SIPA1L3: variants seen among roughly 807,000 people sequenced by gnomAD.
The protein encoded by SIPA1L3 is signal induced proliferation associated 1 like 3.
In SIPA1L3, 59 loss-of-function variants were observed where a neutral mutation model predicts 150.1. The observed-to-expected ratio is 0.39, with a 90% CI of 0.32 to 0.49. SIPA1L3 has a LOEUF of 0.49. SIPA1L3 is among the 20% of genes least tolerant of loss of function. The probability of loss-of-function intolerance (pLI) is 0.86; values close to 1 mark genes in which losing one functional copy is unlikely to be tolerated. For missense variants in SIPA1L3, 2,211 were observed against 2,489.5 expected (o/e 0.89, Z 2.38); for synonymous variants, 1,070 against 1,077.6 (o/e 0.99, Z 0.14).
chr19:38,153,077 C>G (rs1213318713), intron 13 of SIPA1L3, 110 bp downstream of exon 13: 2 of 1,369,938 alleles, frequency 1.5e-6, no homozygotes, highest in Non-Finnish European at 1.9e-6. Flanking sequence ...GGATAAAACA[C>G]AAAAGAAAGC....
At chr19:37,997,581 A>AG (rs1967669208) in intron 1 of SIPA1L3, among the ~76,000 whole-genome samples, 1 of 132,948 alleles carries the variant, frequency 7.5e-6, no homozygotes, top group Non-Finnish European at 1.6e-5. Context: ...AAAAAAAAAA[A>AG]AAAAAGGCCG....
intron 2 of SIPA1L3, among the ~76,000 whole-genome samples, chr19:38,075,418 T>C (rs1028177449): frequency 1.1e-4 from 16 of 151,564 alleles, no homozygotes; most frequent in Admixed American, 9.9e-4. Flanking sequence ...ATGGCGCCAC[T>C]GCACTCCAGC....
At chr19:38,021,437 A>C (rs1968371002) in intron 1 of SIPA1L3, among the ~76,000 whole-genome samples, 1 of 152,212 alleles carries the variant, frequency 6.6e-6, no homozygotes, top group East Asian at 1.9e-4. Flanking sequence ...AGTTCTGGGG[A>C]CAAGGGGACT....
chr19:38,008,245 T>TTG (rs1968010532), intron 1 of SIPA1L3, among the ~76,000 whole-genome samples: 2 of 143,526 alleles, frequency 1.4e-5, no homozygotes, highest in African/African-American at 5.4e-5. Context: ...TTTTTTTTTT[T>TTG]GAGATGGAGT....
At chr19:38,150,369 A>C (rs1347940614) in intron 12 of SIPA1L3, among the ~76,000 whole-genome samples, 1 of 152,026 alleles carries the variant, frequency 6.6e-6, no homozygotes, top group East Asian at 1.9e-4. Flanking sequence ...CTGTAGAGAC[A>C]GTCCTGGCTT....
At chr19:37,976,114 A>G (rs894691361) in intron 1 of SIPA1L3, among the ~76,000 whole-genome samples, 1 of 137,382 alleles carries the variant, frequency 7.3e-6, no homozygotes, top group Non-Finnish European at 1.7e-5. Flanking sequence ...TAAAAAAAAA[A>G]AAAAGAAAGA....
In SIPA1L3 at chr19:38,141,260, C is replaced by T. The variant is rs1568572498; in HGVS notation, c.3220C>T (p.Pro1074Ser). ...EQESITPGGR[P>S]PYRSNAPWQW... is the part of the protein sequence containing the mutation. ...GGAAAGCATCACTCCTGGGGGCCGGCCCCCCTACCGCAGCAATGCTCCCTG... is the reference window on the plus strand; with the variant it reads ...GGAAAGCATCACTCCTGGGGGCCGGTCCCCCTACCGCAGCAATGCTCCCTG... Residue 1074 changes from proline to serine, a missense_variant, in exon 11 of 22, where the codon CCC becomes TCC. Physicochemically the swap from Pro to Ser is moderately conservative, Grantham distance 74. This residue lies in a region of SIPA1L3 where 806 missense variants were observed against 870.1 expected (regional missense o/e 0.93). Transcript: ENST00000222345. 1.2e-6 allele frequency: 2 copies of T among 1,613,654 alleles called. No homozygotes were observed. Among genetic ancestry groups the T allele is most frequent in the East Asian group, 2.2e-5 (1 of 44,848 alleles).
chr19:37,976,104 T>TAAAAAAAAAAAAA (rs374630193), intron 1 of SIPA1L3, among the ~76,000 whole-genome samples: 2 of 120,336 alleles, frequency 1.7e-5, no homozygotes, highest in African/African-American at 6.0e-5. Flanking sequence ...GGCTCTGTCT[T>TAAAAAAAAAAAAA]AAAAAAAAAA....
At position 37,946,216 on chromosome 19, in the gene SIPA1L3, G is replaced by A. The variant is rs182861737; in HGVS notation, c.-379+38858G>A. ...GATATTTATTGTTGACTTGTATTCCGGAAGGGTCCAGTACAGGAGTTCTGG... is the reference window on the plus strand; with the variant it reads ...GATATTTATTGTTGACTTGTATTCCAGAAGGGTCCAGTACAGGAGTTCTGG... On this transcript the variant is annotated intron_variant, in intron 1 of 21. Coordinates refer to ENST00000222345, the MANE Select transcript of SIPA1L3 (RefSeq NM_015073.3). Among the ~76,000 whole-genome samples the A allele has an allele frequency of 1.4e-4, 22 of 151,846 alleles. No individual in the cohort carries two copies. The South Asian group carries it at 1.5e-3, about 10-fold the overall frequency.
At chr19:38,182,839 G>C in intron 16 of SIPA1L3, 99 bp downstream of exon 16, 1 of 913,324 alleles carries the variant, frequency 1.1e-6, no homozygotes, top group South Asian at 1.7e-5. Context: ...TTGCACAGAC[G>C]ACTGTGGGCC....
intron 1 of SIPA1L3, among the ~76,000 whole-genome samples, chr19:37,994,930 C>T (rs1967596745): frequency 6.6e-6 from 1 of 152,132 alleles, no homozygotes; most frequent in South Asian, 2.1e-4. Context: ...ACTCCAGGCA[C>T]TTATGTTTCT....
chr19:38,185,677 C>T (rs755000831), intron 16 of SIPA1L3: 7 of 152,122 alleles, frequency 4.6e-5, no homozygotes, highest in Non-Finnish European at 8.8e-5. Context: ...GGTGTCAGCA[C>T]GTAGATTCAT....
At chr19:37,972,408 T>C (rs1966965353) in intron 1 of SIPA1L3, among the ~76,000 whole-genome samples, 1 of 152,160 alleles carries the variant, frequency 6.6e-6, no homozygotes, top group African/African-American at 2.4e-5. Flanking sequence ...TTGAGACGTT[T>C]GTAAGAACTG....
At chr19:38,124,820 C>T (rs1326925626) in intron 9 of SIPA1L3, among the ~76,000 whole-genome samples, 1 of 152,148 alleles carries the variant, frequency 6.6e-6, no homozygotes, top group Non-Finnish European at 1.5e-5. Flanking sequence ...GCCATCACAG[C>T]GAAACCCCGT....
At chr19:38,184,974 T>A (rs1300367123) in intron 16 of SIPA1L3, 1 of 152,688 alleles carries the variant, frequency 6.5e-6, no homozygotes, top group East Asian at 1.9e-4. Flanking sequence ...CCCTCCTTGC[T>A]CTGTTCCAGC....
intron 1 of SIPA1L3, among the ~76,000 whole-genome samples, chr19:37,913,704 C>CT (rs1333992240): frequency 0.013 from 1,695 of 131,818 alleles, 39 homozygotes; most frequent in East Asian, 0.083. Flanking sequence ...CCTTTTCTTT[C>CT]TTTTTTTTTT....
Position 38,032,141 on chromosome 19 carries a change from T to G in SIPA1L3, c.-311+2985T>G, listed in dbSNP as rs530129982. On this transcript the variant is annotated intron_variant, in intron 2 of 21. Transcript: ENST00000222345. ...TGTGTGCCTCTCATTCCATCTACAT[T>G]TATTAATTGGAACTCTTCTGTAAGG... Among the ~76,000 whole-genome samples, 8 of 152,306 alleles carry G rather than the reference T, an allele frequency of 5.3e-5. No individual in the cohort carries two copies. The East Asian group carries it at 1.5e-3, about 29-fold the overall frequency.
chr19:38,116,655 C>T (rs777585617), intron 8 of SIPA1L3, among the ~76,000 whole-genome samples: 6 of 151,608 alleles, frequency 4.0e-5, no homozygotes, highest in Non-Finnish European at 5.9e-5. Context: ...CGAGACCAGC[C>T]TGGCCAACAT....
chr19:38,100,079 A>C lies in SIPA1L3; in HGVS notation c.1783A>C (p.Ile595Leu), dbSNP rs1970465878. Residue 595 changes from isoleucine to leucine, a missense_variant, in exon 5 of 22, where the codon ATC (isoleucine) becomes CTC (leucine). Ile to Leu is a conservative substitution (Grantham distance 5). Around this residue, in one of 5 missense-constraint regions of SIPA1L3, gnomAD observed 625 missense variants for 804.2 expected, o/e 0.78. Coordinates refer to ENST00000222345, the MANE Select transcript of SIPA1L3 (RefSeq NM_015073.3). ...GGAGTATGTCATCCCCGAGCTCAAC[A>C]TCCACTGCCTGCGGCTGGCCCTCAA... ...ALEYVIPELN[I>L]HCLRLALNTP... is the part of the protein sequence containing the mutation. The C allele has an allele frequency of 6.2e-7, 1 of 1,612,142 alleles. No homozygotes were observed. The highest frequency in any genetic ancestry group is 8.5e-7 in the Non-Finnish European group (1 of 1,179,324).
Sources: allele counts gnomAD v4.1 joint callset (sites outside exome capture counted in the v4.1 genomes callset), GRCh38; gene constraint gnomAD v4.1.1; regional missense constraint gnomAD v4.1.1; transcripts MANE v1.5; gene names NCBI Gene and HGNC (gene_info 2026-07-23, HGNC 2026-07-21).